Variants in CWF19L2 observed in about 807,000 individuals in gnomAD.
The protein encoded by CWF19L2 is CWF19 like cell cycle control factor 2, also known as CWF19-like protein 2.
Under a neutral mutation model 111.7 loss-of-function variants are expected in CWF19L2, and 98 were observed. The observed-to-expected ratio is 0.88, with a 90% CI of 0.75 to 1.04. CWF19L2 has a LOEUF of 1.04. Among genes scored for constraint, CWF19L2 ranks in the 50% least tolerant of loss-of-function variants. CWF19L2 has a pLI of 0.00. For synonymous variants in CWF19L2, 351 were observed against 342.9 expected, an observed-to-expected ratio of 1.02 and a Z score of -0.26; for missense variants, 1,101 against 1,051.4, an observed-to-expected ratio of 1.05 and a Z score of -0.65.
intron 8 of CWF19L2, among the ~76,000 whole-genome samples, chr11:107,419,411 G>A (rs1861272788): frequency 6.6e-6 from 1 of 152,176 alleles, no homozygotes; most frequent in Admixed American, 6.5e-5. Flanking sequence ...CACTCAACAA[G>A]GTAGTCTGTA....
At position 107,418,195 on chromosome 11, in the gene CWF19L2, A is replaced by G. The variant is rs1384278562; in HGVS notation, c.1526T>C (p.Met509Thr). ...KIIKAEMMGN[M>T]ELAEQLKVQL... is the part of the protein sequence containing the mutation. ...TAAAGCAACATCTAAGAGTCTTACC[A>G]TATTCCCCATCATCTCTGCTTTGAT... Residue 509 changes from methionine (M) to threonine (T), a missense_variant and splice_region_variant, in exon 9 of 18, where the codon ATG becomes ACG. Physicochemically the swap from Met to Thr is moderately conservative, Grantham distance 81. Coordinates refer to ENST00000282251, the MANE Select transcript of CWF19L2 (RefSeq NM_152434.3). 2 of 1,574,594 alleles carry G rather than the reference A, an allele frequency of 1.3e-6. No homozygotes were observed. The highest frequency in any genetic ancestry group is 1.7e-6 in the Non-Finnish European group (2 of 1,144,100).
chr11:107,439,567 TC>T (rs1217898164), intron 5 of CWF19L2, among the ~76,000 whole-genome samples: 2 of 152,134 alleles, frequency 1.3e-5, no homozygotes, highest in African/African-American at 2.4e-5. Context: ...ATCAAAGACT[TC>T]CTAGAGGAAG....
chr11:107,443,080 T>A, intron 3 of CWF19L2, 31 bp from the exon 4 acceptor site: 1 of 1,379,378 alleles, frequency 7.2e-7, no homozygotes, highest in Non-Finnish European at 1.0e-6. Flanking sequence ...AGTGAAATTG[T>A]CAAATTTGCA....
chr11:107,449,115 A>G (rs1239392984), intron 3 of CWF19L2, among the ~76,000 whole-genome samples: 3 of 150,964 alleles, frequency 2.0e-5, no homozygotes, highest in Non-Finnish European at 4.4e-5. Context: ...ACCAGAAGAC[A>G]ATGGGATGAC....
chr11:107,453,887 T>C (rs1455501544), intron 3 of CWF19L2, among the ~76,000 whole-genome samples: 1 of 151,860 alleles, frequency 6.6e-6, no homozygotes, highest in South Asian at 2.1e-4. Context: ...GTACTACCTG[T>C]GGGTCTATGG....
chr11:107,385,548 A>G (rs1035734122), intron 12 of CWF19L2, among the ~76,000 whole-genome samples: 4 of 152,268 alleles, frequency 2.6e-5, no homozygotes, highest in African/African-American at 9.6e-5. Flanking sequence ...TGAAGATGCA[A>G]TTATTGCCAA....
chr11:107,457,790 A>C lies in CWF19L2; in HGVS notation c.27T>G (p.Ser9Arg). The C allele has an allele frequency of 6.4e-7, 1 of 1,551,718 alleles. No homozygotes were observed. Among genetic ancestry groups the C allele is most frequent in the Non-Finnish European group, 8.7e-7 (1 of 1,146,962 alleles). The change falls in exon 1 of 18, where the codon AGT (serine) becomes AGG (arginine). Residue 9 changes from serine to arginine, a missense_variant. By Grantham distance (110) the Ser-to-Arg change is moderately radical. Transcript: ENST00000282251. MATSMAAASGRFESAKSIE... is the reference protein window; with the variant it reads MATSMAAARGRFESAKSIE... ...TACTCTTCGCACTTTCAAATCTACCACTAGCAGCCGCCATACTTGTTGCCA... is the reference window on the plus strand; with the variant it reads ...TACTCTTCGCACTTTCAAATCTACCCCTAGCAGCCGCCATACTTGTTGCCA...
At chr11:107,338,262 G>C (rs1306729869) in intron 14 of CWF19L2, among the ~76,000 whole-genome samples, 1 of 152,022 alleles carries the variant, frequency 6.6e-6, no homozygotes, top group Non-Finnish European at 1.5e-5. Flanking sequence ...TACAGTCACA[G>C]TCATTCCACA....
At chr11:107,439,261 A>C in intron 5 of CWF19L2, 78 bp from the exon 6 acceptor site, 1 of 832,270 alleles carries the variant, frequency 1.2e-6, no homozygotes, top group Non-Finnish European at 2.0e-6. Flanking sequence ...TAAATCTGAG[A>C]CCCAGTTAAT....
chr11:107,326,423 T>C lies in CWF19L2; in HGVS notation c.*487A>G, dbSNP rs895065014. ...TTTCCTTTTCCTTTAACAAAAAGAA[T>C]AGAAGTGATACTATATACTGCTAGT... is the stretch of plus-strand genomic sequence containing the variant. On this transcript the variant is annotated 3_prime_UTR_variant, in exon 18 of 18. Coordinates refer to ENST00000282251, the MANE Select transcript of CWF19L2 (RefSeq NM_152434.3). 5 of 152,300 alleles carry C rather than the reference T, an allele frequency of 3.3e-5. No individual in the cohort carries two copies. The highest frequency in any genetic ancestry group is 7.2e-5 in the African/African-American group (3 of 41,462). The allele number at this position is 152,300 out of a possible 1,614,324, so 9.4% of individuals were successfully genotyped here.
At chr11:107,391,090 G>A (rs1034985098) in intron 11 of CWF19L2, among the ~76,000 whole-genome samples, 7 of 152,274 alleles carry the variant, frequency 4.6e-5, no homozygotes, top group Middle Eastern at 3.4e-3. Context: ...GCCACAGACC[G>A]AAGGCTGCAC....
intron 3 of CWF19L2, among the ~76,000 whole-genome samples, chr11:107,451,368 A>T (rs192821520): frequency 1.3e-3 from 195 of 152,278 alleles, no homozygotes; most frequent in Non-Finnish European, 4.4e-4. Flanking sequence ...AAAGATTTCA[A>T]ATCAGTGGCG....
chr11:107,360,562 C>G (rs1029692438), intron 12 of CWF19L2, among the ~76,000 whole-genome samples: 7 of 152,148 alleles, frequency 4.6e-5, no homozygotes, highest in Admixed American at 2.0e-4. Context: ...AATCTCCATA[C>G]CGTTTTCCAT....
chr11:107,448,343 C>CAAAAA (rs61259014), intron 3 of CWF19L2, among the ~76,000 whole-genome samples: 39 of 54,884 alleles, frequency 7.1e-4, no homozygotes, highest in African/African-American at 8.3e-4. Flanking sequence ...GACTCCGTCA[C>CAAAAA]AAAAAAAAAA....
intron 14 of CWF19L2, among the ~76,000 whole-genome samples, chr11:107,338,992 T>G (rs1859967552): frequency 6.7e-6 from 1 of 148,462 alleles, no homozygotes; most frequent in Non-Finnish European, 1.5e-5. Context: ...ATTGCCACAC[T>G]GTTTTCCACA....
intron 15 of CWF19L2, 88 bp downstream of exon 15, chr11:107,336,470 A>T: frequency 9.3e-7 from 1 of 1,079,986 alleles, no homozygotes; most frequent in Non-Finnish European, 1.3e-6. Context: ...AGTATATAGG[A>T]GAAAAATATG....
In CWF19L2 at chr11:107,410,640, A is replaced by T. The variant is rs531621400; in HGVS notation, c.1617+5569T>A. Among the ~76,000 whole-genome samples the T allele has an allele frequency of 4.6e-5, 7 of 152,336 alleles. No homozygotes were observed. The South Asian group carries it at 1.4e-3, about 32-fold the overall frequency. ...CTGCTCAAAGATAGGAGGAGCTAGA[A>T]ATTTAAAAAACAATCAGTAATATCA... On this transcript the variant is annotated intron_variant, in intron 10 of 17. Coordinates refer to ENST00000282251, the MANE Select transcript of CWF19L2 (RefSeq NM_152434.3).
intron 16 of CWF19L2, among the ~76,000 whole-genome samples, chr11:107,332,893 G>A (rs182777718): frequency 1.9e-4 from 29 of 152,018 alleles, no homozygotes; most frequent in Admixed American, 1.0e-3. Context: ...AGGCGGAGGC[G>A]GGCAGATCAC....
chr11:107,424,992 G>A (rs1385778420), intron 8 of CWF19L2, among the ~76,000 whole-genome samples: 1 of 151,714 alleles, frequency 6.6e-6, no homozygotes, highest in Non-Finnish European at 1.5e-5. Context: ...CTTTCCCCAA[G>A]TGTTTATAAT....
Sources: gnomAD v4.1 joint callset for allele counts (sites outside exome capture counted in the v4.1 genomes callset) on GRCh38, gnomAD v4.1.1 for gene constraint, MANE v1.5 for transcripts, NCBI Gene and HGNC (gene_info 2026-07-23, HGNC 2026-07-21) for gene names.